COL22A1: variants seen among roughly 807,000 people sequenced by gnomAD.
The protein encoded by COL22A1 is collagen type XXII alpha 1 chain.
A neutral mutation model predicts 248.9 loss-of-function variants in COL22A1; 221 were observed. The observed-to-expected ratio is 0.89, with a 90% CI of 0.80 to 0.99. The LOEUF is 0.99. Ranked by LOEUF, COL22A1 falls within the 50% of genes least tolerant of loss-of-function variation. The probability of loss-of-function intolerance (pLI) is 0.00; values close to 1 mark genes in which losing one functional copy is unlikely to be tolerated. For synonymous variants in COL22A1, 891 were observed against 793.4 expected, an observed-to-expected ratio of 1.12 and a Z score of -2.07; for missense variants, 2,240 against 2,179.0, an observed-to-expected ratio of 1.03 and a Z score of -0.56.
Position 138,732,155 on chromosome 8 carries a change from C to T in COL22A1, c.2139+5369G>A, listed in dbSNP as rs545319964. Among the ~76,000 whole-genome samples, 32 of 152,222 alleles carry T rather than the reference C, an allele frequency of 2.1e-4. No homozygotes were observed. In the East Asian group the frequency reaches 5.4e-3, roughly 26 times the overall value. ...TCCCTTCCTCTCCTCCACTTTCTCCCGCCAAAAAATGTCTAGAAAGCCAAA... is the reference window on the plus strand; with the variant it reads ...TCCCTTCCTCTCCTCCACTTTCTCCTGCCAAAAAATGTCTAGAAAGCCAAA... On this transcript the variant is annotated intron_variant, in intron 23 of 64. Transcript: ENST00000303045.
Position 138,812,977 on chromosome 8 carries a change from C to T in COL22A1, c.1288G>A (p.Ala430Thr), listed in dbSNP as rs201289140. 383 of 1,613,804 alleles carry T rather than the reference C, an allele frequency of 2.4e-4. No homozygotes were observed. Among genetic ancestry groups the T allele is most frequent in the Non-Finnish European group, 3.0e-4 (359 of 1,179,880 alleles). The change falls in exon 8 of 65, where the codon GCA (alanine) becomes ACA (threonine). Residue 430 changes from alanine to threonine, a missense_variant. Coordinates refer to ENST00000303045, the MANE Select transcript of COL22A1 (RefSeq NM_152888.3). Reference protein sequence around the residue: ...RIVIYCDSRHAELETCCDIPS... With the variant: ...RIVIYCDSRHTELETCCDIPS... ...ATATCACAACAAGTCTCCAATTCTGCGTGTCTCGAGTCACAATAGATCACA... is the reference window on the plus strand; with the variant it reads ...ATATCACAACAAGTCTCCAATTCTGTGTGTCTCGAGTCACAATAGATCACA...
rs535830886 is a variant in COL22A1 at position 138,630,837 on chromosome 8, T to C, written c.3610-89A>G. On this transcript the variant is annotated intron_variant, in intron 49 of 64. Coordinates refer to ENST00000303045, the MANE Select transcript of COL22A1 (RefSeq NM_152888.3). Reference sequence around the variant, plus strand: ...TGCTTTGAATACAAAGCAATTGATATGGTTGGTTATCTGTCCCCTCCAAAT... The same window carrying C: ...TGCTTTGAATACAAAGCAATTGATACGGTTGGTTATCTGTCCCCTCCAAAT... 1.2e-4 allele frequency: 141 copies of C among 1,155,214 alleles called. 1 individual carries two copies. The South Asian group carries it at 1.5e-3, about 13-fold the overall frequency. 71.6% of individuals were successfully genotyped at this position (1,155,214 alleles called of 1,614,324 possible).
intron 3 of COL22A1, among the ~76,000 whole-genome samples, chr8:138,867,897 T>G (rs1823018704): frequency 6.6e-6 from 1 of 152,144 alleles, no homozygotes; most frequent in African/African-American, 2.4e-5. Flanking sequence ...CCTGAGCAGC[T>G]GGGATTATAG....
intron 19 of COL22A1, 63 bp downstream of exon 19, chr8:138,755,722 A>G: frequency 6.6e-7 from 1 of 1,522,588 alleles, no homozygotes; most frequent in East Asian, 2.3e-5. Flanking sequence ...AGAGGTGAAG[A>G]CTCATCCAAC....
At chr8:138,737,382 G>A (rs549091600) in intron 23 of COL22A1, 142 bp downstream of exon 23, 18 of 639,080 alleles carry the variant, frequency 2.8e-5, no homozygotes, top group Admixed American at 2.4e-4. Flanking sequence ...GGGAGGACAC[G>A]TGACCCACTG....
Position 138,796,848 on chromosome 8 carries a change from G to A in COL22A1, c.1567C>T (p.Pro523Ser), listed in dbSNP as rs142943441. 1.7e-5 allele frequency: 27 copies of A among 1,599,338 alleles called. No individual in the cohort carries two copies. Among genetic ancestry groups the A allele is most frequent in the Non-Finnish European group, 2.2e-5 (26 of 1,166,834 alleles). The change falls in exon 12 of 65, where the codon CCT becomes TCT. Residue 523 changes from proline to serine, a missense_variant. Transcript: ENST00000303045. Reference sequence around the variant, plus strand: ...TCACCCTTTTCCCCTTGGCCAAAAGGTCCTATGCCCTAGAAAAATGAAAGA... The same window carrying A: ...TCACCCTTTTCCCCTTGGCCAAAAGATCCTATGCCCTAGAAAAATGAAAGA... ...KGEKGDVGIG[P>S]FGQGEKGEKG...
At chr8:138,844,358 G>A (rs1240170058) in intron 3 of COL22A1, among the ~76,000 whole-genome samples, 200 bp from the exon 4 acceptor site, 1 of 152,198 alleles carries the variant, frequency 6.6e-6, no homozygotes, top group Non-Finnish European at 1.5e-5. Context: ...CATCAACTCT[G>A]CAAATACTGT....
At chr8:138,636,693 C>A in intron 48 of COL22A1, 49 bp downstream of exon 48, 1 of 1,380,742 alleles carries the variant, frequency 7.2e-7, no homozygotes, top group Non-Finnish European at 1.0e-6. Context: ...CTGGGAGAAA[C>A]AGTGCTCCTT....
chr8:138,775,928 G>A (rs767535950), intron 16 of COL22A1, 38 bp downstream of exon 16: 1 of 1,602,968 alleles, frequency 6.2e-7, no homozygotes. Flanking sequence ...CTTTTCTATG[G>A]AAAGCCGTAT....
intron 1 of COL22A1, among the ~76,000 whole-genome samples, chr8:138,902,739 TACAC>T (rs35023865): frequency 2.9e-4 from 27 of 93,876 alleles, no homozygotes; most frequent in African/African-American, 5.9e-4. Flanking sequence ...TATATATATA[TACAC>T]ACACACACAC....
At chr8:138,647,543 G>A (rs373185935) in intron 46 of COL22A1, among the ~76,000 whole-genome samples, 22 of 152,218 alleles carry the variant, frequency 1.4e-4, no homozygotes, top group South Asian at 4.2e-4. Flanking sequence ...ACAAATATAC[G>A]TGCATGTATA....
At chr8:138,773,995 T>C (rs11781300) in intron 16 of COL22A1, among the ~76,000 whole-genome samples, 30,373 of 152,086 alleles carry the variant, frequency 0.2, 4,372 homozygotes, top group African/African-American at 0.41. Flanking sequence ...GCACAGCAAC[T>C]CACGCTCCTG....
chr8:138,649,676 C>G lies in COL22A1; in HGVS notation c.3436G>C (p.Glu1146Gln), dbSNP rs1208653961. 6.2e-7 allele frequency: 1 copy of G among 1,612,996 alleles called. No homozygotes were observed. Among genetic ancestry groups the G allele is most frequent in the Non-Finnish European group, 8.5e-7 (1 of 1,179,548 alleles). ...CCTTTTCTCCTTACCTTTTTCCCTT[C>G]TGTGCCTTCTCTCCCTGGCTTTCCT... Reference protein sequence around the residue: ...VPGKPGREGTEGKKGEAGPPG... With the variant: ...VPGKPGREGTQGKKGEAGPPG... The change falls in exon 46 of 65, where the codon GAA becomes CAA. Residue 1146 changes from glutamate to glutamine, a missense_variant. Coordinates refer to ENST00000303045, the MANE Select transcript of COL22A1 (RefSeq NM_152888.3).
At chr8:138,709,531 G>T (rs972187882) in intron 30 of COL22A1, among the ~76,000 whole-genome samples, 2 of 150,690 alleles carry the variant, frequency 1.3e-5, no homozygotes, top group Non-Finnish European at 2.9e-5. Flanking sequence ...GCAAACTATC[G>T]CAAGGACAGA....
At chr8:138,626,859 A>G (rs944928352) in intron 50 of COL22A1, among the ~76,000 whole-genome samples, 1 of 152,200 alleles carries the variant, frequency 6.6e-6, no homozygotes, top group Non-Finnish European at 1.5e-5. Flanking sequence ...AAAGACTTAC[A>G]TAAGTATCAA....
chr8:138,648,272 G>C (rs1822384915), intron 46 of COL22A1, among the ~76,000 whole-genome samples: 2 of 152,200 alleles, frequency 1.3e-5, no homozygotes, highest in Non-Finnish European at 2.9e-5. Flanking sequence ...AAATTTCGAG[G>C]ACTGTGGCAT....
At chr8:138,642,474 C>T (rs1294776908) in intron 47 of COL22A1, among the ~76,000 whole-genome samples, 6 of 152,184 alleles carry the variant, frequency 3.9e-5, no homozygotes, top group Non-Finnish European at 7.3e-5. Flanking sequence ...AGTCACCATC[C>T]GCTCCTAAAT....
At chr8:138,639,544 A>T (rs1316312873) in intron 47 of COL22A1, among the ~76,000 whole-genome samples, 1 of 152,216 alleles carries the variant, frequency 6.6e-6, no homozygotes, top group Non-Finnish European at 1.5e-5. Flanking sequence ...TTAAAGAGTC[A>T]TTTCAAGGGC....
chr8:138,802,976 C>T (rs748571185), intron 10 of COL22A1, 42 bp from the exon 11 acceptor site: 1 of 1,512,080 alleles, frequency 6.6e-7, no homozygotes, highest in South Asian at 1.1e-5. Flanking sequence ...ATTAGGTTTC[C>T]CGACAGGGCT....
Sources: gnomAD v4.1 joint callset for allele counts (sites outside exome capture counted in the v4.1 genomes callset) on GRCh38, gnomAD v4.1.1 for gene constraint, MANE v1.5 for transcripts, NCBI Gene and HGNC (gene_info 2026-07-23, HGNC 2026-07-21) for gene names.